The following RNF152 variants were observed in gnomAD, a reference collection of about 807,000 sequenced individuals.
RNF152 encodes the protein E3 ubiquitin-protein ligase RNF152.
In RNF152, 11 loss-of-function variants were observed where a neutral mutation model predicts 12.7. The observed-to-expected ratio is 0.86, with a 90% CI of 0.54 to 1.43. The LOEUF (loss-of-function observed/expected upper bound fraction) is 1.43. Among genes scored for constraint, RNF152 ranks in the 40% most tolerant of loss-of-function variants. The pLI is 0.00. For synonymous variants in RNF152, 113 were observed against 120.3 expected (o/e 0.94, Z 0.40); for missense variants, 255 against 274.8 (o/e 0.93, Z 0.51).
intron 1 of RNF152, among the ~76,000 whole-genome samples, chr18:61,829,254 C>T (rs74317463): frequency 1.2e-4 from 18 of 152,240 alleles, no homozygotes; most frequent in Middle Eastern, 3.4e-3. Flanking sequence ...ACAGCCTGGA[C>T]GACTGGCCTG....
At chr18:61,851,583 T>C (rs1910981678) in intron 1 of RNF152, among the ~76,000 whole-genome samples, 2 of 152,214 alleles carry the variant, frequency 1.3e-5, no homozygotes, top group African/African-American at 4.8e-5. Flanking sequence ...TTAAGTTAAG[T>C]AACTACCTGA....
chr18:61,820,112 G>A (rs1473733891), intron 1 of RNF152, among the ~76,000 whole-genome samples: 30 of 150,460 alleles, frequency 2.0e-4, no homozygotes, highest in Non-Finnish European at 3.4e-4. Flanking sequence ...GGCGGATCAC[G>A]AGGTCAGGAG....
At chr18:61,844,996 C>T (rs183659530) in intron 1 of RNF152, among the ~76,000 whole-genome samples, 8 of 152,252 alleles carry the variant, frequency 5.3e-5, no homozygotes, top group East Asian at 1.9e-4. Context: ...TAAGTGGACA[C>T]GAGTGCTGAA....
At position 61,811,596 on chromosome 18, in the gene RNF152, T is replaced by C. The variant is rs1217792807; in HGVS notation, c.*4256A>G. On this transcript the variant is annotated 3_prime_UTR_variant, in exon 2 of 2. Coordinates refer to ENST00000312828, the MANE Select transcript of RNF152 (RefSeq NM_173557.3). ...GATGCCCACATATGCCCACACCAAA[T>C]ACAACGACAAGCTGGCCAACTTCAA... 6.6e-6 allele frequency: 1 copy of C among 152,202 alleles called. No homozygotes were observed. Among genetic ancestry groups the C allele is most frequent in the Non-Finnish European group, 1.5e-5 (1 of 68,028 alleles). 9.4% of individuals were successfully genotyped at this position (152,202 alleles called of 1,614,324 possible). A position where few individuals can be genotyped will look rare whatever the true frequency, so the allele number is the denominator to read the frequency against.
intron 1 of RNF152, among the ~76,000 whole-genome samples, chr18:61,819,440 G>A (rs897291925): frequency 6.6e-6 from 1 of 152,192 alleles, no homozygotes; most frequent in Non-Finnish European, 1.5e-5. Context: ...AGACCTATTG[G>A]GAGGCTATTA....
rs1912896429 is a variant in RNF152, at chr18:61,810,077, C to T, written c.*5775G>A. On this transcript the variant is annotated 3_prime_UTR_variant, in exon 2 of 2. Coordinates refer to ENST00000312828, the MANE Select transcript of RNF152 (RefSeq NM_173557.3). ...AATAAAATGTATACAGTAGAACCTA[C>T]CTCTTCATATATTTGAAAAGTTTCA... 6.6e-6 allele frequency: 1 copy of T among 152,124 alleles called. No homozygotes were observed. Among genetic ancestry groups the T allele is most frequent in the Non-Finnish European group, 1.5e-5 (1 of 68,020 alleles). 9.4% of individuals were successfully genotyped at this position (152,124 alleles called of 1,614,324 possible).
intron 1 of RNF152, among the ~76,000 whole-genome samples, chr18:61,883,055 G>A (rs1428413926): frequency 6.6e-6 from 1 of 152,180 alleles, no homozygotes; most frequent in Non-Finnish European, 1.5e-5. Flanking sequence ...GAAACCCAGA[G>A]CATATCTAGA....
At chr18:61,859,110 C>T (rs958717003) in intron 1 of RNF152, among the ~76,000 whole-genome samples, 1 of 152,176 alleles carries the variant, frequency 6.6e-6, no homozygotes, top group African/African-American at 2.4e-5. Flanking sequence ...TACAAGTCAT[C>T]ACCACCATTC....
intron 1 of RNF152, among the ~76,000 whole-genome samples, chr18:61,866,985 G>C (rs1568287141): frequency 6.6e-6 from 1 of 152,354 alleles, no homozygotes; most frequent in East Asian, 1.9e-4. Context: ...AGGGCCTTAT[G>C]TGGGCTTATT....
intron 1 of RNF152, among the ~76,000 whole-genome samples, chr18:61,847,064 T>C (rs1446864820): frequency 6.6e-6 from 1 of 152,144 alleles, no homozygotes; most frequent in African/African-American, 2.4e-5. Flanking sequence ...GTGCACATAG[T>C]AGCTGCTCAG....
chr18:61,812,729 A>C lies in RNF152; in HGVS notation c.*3123T>G, dbSNP rs1416735590. ...TGGGAGGTTTGGACACCAATGTTTT[A>C]CAATTTTAAAAATTCAAACCACATG... On this transcript the variant is annotated 3_prime_UTR_variant, in exon 2 of 2. Coordinates refer to ENST00000312828, the MANE Select transcript of RNF152 (RefSeq NM_173557.3). 6.6e-6 allele frequency: 1 copy of C among 152,212 alleles called. No individual in the cohort carries two copies. The highest frequency in any genetic ancestry group is 1.5e-5 in the Non-Finnish European group (1 of 68,050). 9.4% of individuals were successfully genotyped at this position (152,212 alleles called of 1,614,324 possible). A position where few individuals can be genotyped will look rare whatever the true frequency, so the allele number is the denominator to read the frequency against.
chr18:61,824,058 T>C (rs1034590319), intron 1 of RNF152, among the ~76,000 whole-genome samples: 2 of 152,242 alleles, frequency 1.3e-5, no homozygotes, highest in Non-Finnish European at 2.9e-5. Context: ...CCTCCATGGT[T>C]TGATGATGCA....
chr18:61,878,409 C>T (rs1289605439), intron 1 of RNF152, among the ~76,000 whole-genome samples: 1 of 152,154 alleles, frequency 6.6e-6, no homozygotes, highest in Non-Finnish European at 1.5e-5. Flanking sequence ...AGTCACAGGT[C>T]CATGCTCAGG....
intron 1 of RNF152, among the ~76,000 whole-genome samples, chr18:61,839,178 A>G (rs973515902): frequency 2.6e-5 from 4 of 152,118 alleles, no homozygotes; most frequent in African/African-American, 9.7e-5. Context: ...CAGTACAGTC[A>G]TTAAAATCGG....
At chr18:61,846,223 G>A (rs1910738903) in intron 1 of RNF152, among the ~76,000 whole-genome samples, 1 of 152,070 alleles carries the variant, frequency 6.6e-6, no homozygotes, top group Non-Finnish European at 1.5e-5. Context: ...ACTCTCTCTT[G>A]TTCTTGCCTT....
At chr18:61,830,402 A>C (rs1294480847) in intron 1 of RNF152, among the ~76,000 whole-genome samples, 1 of 152,046 alleles carries the variant, frequency 6.6e-6, no homozygotes, top group Non-Finnish European at 1.5e-5. Flanking sequence ...TCCTGCCCCC[A>C]GCCCCTGCTA....
chr18:61,885,595 A>C (rs1912653137), intron 1 of RNF152, among the ~76,000 whole-genome samples: 12 of 152,254 alleles, frequency 7.9e-5, no homozygotes, highest in Admixed American at 7.8e-4. Context: ...GGCGTGAGCC[A>C]CCACGCCCAG....
At chr18:61,816,961 G>A (rs1245240321) in intron 1 of RNF152, among the ~76,000 whole-genome samples, 4 of 152,158 alleles carry the variant, frequency 2.6e-5, no homozygotes, top group African/African-American at 9.7e-5. Context: ...CTTCCAATAA[G>A]TTCATAGTAT....
In RNF152 at chr18:61,815,027, T is replaced by A. The variant is rs1483430999; in HGVS notation, c.*825A>T. 1 of 152,552 alleles carries A rather than the reference T, an allele frequency of 6.6e-6. No homozygotes were observed. Among genetic ancestry groups the A allele is most frequent in the Non-Finnish European group, 1.5e-5 (1 of 68,020 alleles). 9.4% of individuals were successfully genotyped at this position (152,552 alleles called of 1,614,324 possible). ...CAAAGACTCAAACACCTGAGGTAAA[T>A]CAAATTAGACACACACACATACACA... On this transcript the variant is annotated 3_prime_UTR_variant, in exon 2 of 2. Transcript: ENST00000312828.
Sources: allele counts gnomAD v4.1 joint callset (sites outside exome capture counted in the v4.1 genomes callset), GRCh38; gene constraint gnomAD v4.1.1; transcripts MANE v1.5; gene names NCBI Gene and HGNC (gene_info 2026-07-23, HGNC 2026-07-21).